UNC5D: variants seen among roughly 807,000 people sequenced by gnomAD.
UNC5D encodes unc-5 netrin receptor D, also known as netrin receptor UNC5D.
A neutral mutation model predicts 105.4 loss-of-function variants in UNC5D; 39 were observed. That is an observed-to-expected ratio of 0.37 (90% CI 0.29 to 0.48). UNC5D has a LOEUF of 0.48. Among genes scored for constraint, UNC5D ranks in the 20% least tolerant of loss-of-function variants. The probability of loss-of-function intolerance (pLI) is 0.98; values close to 1 mark genes in which losing one functional copy is unlikely to be tolerated. For missense variants in UNC5D, 991 were observed against 1,202.4 expected, an observed-to-expected ratio of 0.82 and a Z score of 2.60; for synonymous variants, 452 against 450.4, an observed-to-expected ratio of 1.00 and a Z score of -0.04.
intron 3 of UNC5D, among the ~76,000 whole-genome samples, chr8:35,572,362 G>A (rs929367748): frequency 6.6e-6 from 1 of 151,372 alleles, no homozygotes; most frequent in Non-Finnish European, 1.5e-5. Context: ...ATGGCATCTG[G>A]GACAATTCAG....
At chr8:35,504,432 GT>G (rs1451013977) in intron 1 of UNC5D, among the ~76,000 whole-genome samples, 1 of 152,224 alleles carries the variant, frequency 6.6e-6, no homozygotes, top group African/African-American at 2.4e-5. Context: ...ATACCCAGAA[GT>G]ATTAGATACA....
chr8:35,494,914 A>G (rs1392095749), intron 1 of UNC5D, among the ~76,000 whole-genome samples: 1 of 152,212 alleles, frequency 6.6e-6, no homozygotes, highest in Non-Finnish European at 1.5e-5. Flanking sequence ...ACCCTTTAGA[A>G]CATGACTCTG....
At chr8:35,673,195 A>C (rs1304011319) in intron 4 of UNC5D, among the ~76,000 whole-genome samples, 3 of 152,232 alleles carry the variant, frequency 2.0e-5, no homozygotes, top group Non-Finnish European at 4.4e-5. Flanking sequence ...AAAGCAAGAC[A>C]AAAGGGGAAA....
rs74628947 is a variant in UNC5D at position 35,457,846 on chromosome 8, G to T, written c.104-91446G>T. Among the ~76,000 whole-genome samples the T allele has an allele frequency of 1.6e-3, 239 of 152,166 alleles. 1 individual carries two copies. Among genetic ancestry groups the T allele is most frequent in the African/African-American group, 5.5e-3 (227 of 41,532 alleles). On this transcript the variant is annotated intron_variant, in intron 1 of 16. Transcript: ENST00000404895. ...TTATCCCAATGTCCACACAGTAAGG[G>T]CTCAATGGTTATTTTTTAATAAAAG...
rs201837072 is a variant in UNC5D at position 35,478,778 on chromosome 8, CA to C, written c.104-70509del. On this transcript the variant is annotated intron_variant, in intron 1 of 16. Coordinates refer to ENST00000404895, the MANE Select transcript of UNC5D (RefSeq NM_080872.4). ...ATCAAGTGTGAGGTATCTGAGGAAG[CA>C]AAAAGTCAAGTACAACATTCTTTAA... Among the ~76,000 whole-genome samples, 925 of 152,196 alleles carry C rather than the reference CA, an allele frequency of 6.1e-3. 8 individuals are homozygous for C. The highest frequency in any genetic ancestry group is 0.021 in the African/African-American group (877 of 41,548).
chr8:35,503,995 C>T (rs1812144841), intron 1 of UNC5D, among the ~76,000 whole-genome samples: 1 of 152,160 alleles, frequency 6.6e-6, no homozygotes, highest in Non-Finnish European at 1.5e-5. Context: ...GCTTTTAACC[C>T]TTGAAATGGT....
At chr8:35,429,692 G>A (rs1041173414) in intron 1 of UNC5D, among the ~76,000 whole-genome samples, 3 of 152,032 alleles carry the variant, frequency 2.0e-5, no homozygotes, top group Non-Finnish European at 4.4e-5. Context: ...AATTTAAAGA[G>A]TATTCTTTGA....
intron 1 of UNC5D, among the ~76,000 whole-genome samples, chr8:35,289,444 C>T (rs1301911776): frequency 6.6e-6 from 1 of 152,230 alleles, no homozygotes; most frequent in Non-Finnish European, 1.5e-5. Flanking sequence ...AAACAATGGA[C>T]AGATCATCTA....
chr8:35,752,322 TA>T (rs1192248454), intron 13 of UNC5D, among the ~76,000 whole-genome samples: 3 of 152,112 alleles, frequency 2.0e-5, no homozygotes, highest in Non-Finnish European at 2.9e-5. Context: ...TTTGGGTCAT[TA>T]AGTCCATTAT....
chr8:35,713,598 T>G (rs1828086126), intron 8 of UNC5D, among the ~76,000 whole-genome samples: 1 of 152,184 alleles, frequency 6.6e-6, no homozygotes, highest in South Asian at 2.1e-4. Context: ...AAATTTAGAG[T>G]TAACTGTGTG....
chr8:35,691,504 G>A lies in UNC5D; in HGVS notation c.1084+4795G>A, dbSNP rs146734629. On this transcript the variant is annotated intron_variant, in intron 7 of 16. Transcript: ENST00000404895. ...CCTGTCACTTAAAAATCAAAAAGTA[G>A]GTAAATGCCCCAAGACTGGTAAGAA... Among the ~76,000 whole-genome samples the A allele has an allele frequency of 8.5e-5, 13 of 152,160 alleles. No individual in the cohort carries two copies. The East Asian group carries it at 2.5e-3, about 29-fold the overall frequency.
chr8:35,382,705 G>A (rs1436507638), intron 1 of UNC5D, among the ~76,000 whole-genome samples: 1 of 152,096 alleles, frequency 6.6e-6, no homozygotes, highest in Non-Finnish European at 1.5e-5. Flanking sequence ...TCTGGACTTG[G>A]CTCCTGCTGT....
Position 35,726,322 on chromosome 8 carries a change from TC to T in UNC5D, c.1477del (p.Leu493TrpfsTer50). The T allele has an allele frequency of 6.2e-7, 1 of 1,614,108 alleles. No homozygotes were observed. The highest frequency in any genetic ancestry group is 8.5e-7 in the Non-Finnish European group (1 of 1,180,004). ...GAAAGTCCAGAGCTCGTTCATGGTT[TC>T]CCTGGGAGTGTCTGAGAGAGCTGAG... ...KVKVQSSFMV[S>X]LGVSERAEYH... On this transcript the variant is annotated frameshift_variant, in exon 10 of 17. Transcript: ENST00000404895. LOFTEE classifies it high-confidence loss of function.
intron 1 of UNC5D, among the ~76,000 whole-genome samples, chr8:35,399,388 T>C (rs1804309149): frequency 6.6e-6 from 1 of 152,118 alleles, no homozygotes; most frequent in Non-Finnish European, 1.5e-5. Flanking sequence ...CTACAAGTTG[T>C]AGGTAGAATT....
intron 1 of UNC5D, chr8:35,544,541 G>T (rs1217331068): frequency 4.3e-6 from 7 of 1,611,326 alleles, no homozygotes; most frequent in Non-Finnish European, 5.9e-6. Flanking sequence ...ACCAGGTAAG[G>T]CAGGAACAAA....
intron 4 of UNC5D, among the ~76,000 whole-genome samples, chr8:35,676,154 C>T (rs187739306): frequency 1.3e-5 from 2 of 152,212 alleles, no homozygotes; most frequent in African/African-American, 4.8e-5. Context: ...GATCAGGAAC[C>T]TGCTGTCTGG....
chr8:35,373,376 A>G (rs888988961), intron 1 of UNC5D, among the ~76,000 whole-genome samples: 5 of 152,226 alleles, frequency 3.3e-5, no homozygotes, highest in Non-Finnish European at 7.3e-5. Flanking sequence ...ACAGTACAAT[A>G]GGCATTTCTT....
chr8:35,696,092 G>A (rs1329932472), intron 7 of UNC5D, among the ~76,000 whole-genome samples: 1 of 151,998 alleles, frequency 6.6e-6, no homozygotes, highest in Non-Finnish European at 1.5e-5. Flanking sequence ...GGAGTCAGGA[G>A]AAACGAAATC....
At chr8:35,788,507 A>G (rs780560592) in intron 16 of UNC5D, among the ~76,000 whole-genome samples, 16 of 152,180 alleles carry the variant, frequency 1.1e-4, no homozygotes, top group Non-Finnish European at 2.2e-4. Context: ...CCTAAAGCTT[A>G]CCATGCTTTT....
Sources: allele counts gnomAD v4.1 joint callset (sites outside exome capture counted in the v4.1 genomes callset), GRCh38; gene constraint gnomAD v4.1.1; transcripts MANE v1.5; gene names NCBI Gene and HGNC (gene_info 2026-07-23, HGNC 2026-07-21).